CDH12: variants seen among roughly 807,000 people sequenced by gnomAD.
CDH12 encodes cadherin 12, also known as cadherin-12.
CDH12 carries 41 observed loss-of-function variants against 74.1 expected under a neutral mutation model. The observed-to-expected ratio is 0.55, with a 90% CI of 0.43 to 0.72. The LOEUF (loss-of-function observed/expected upper bound fraction) is 0.72. Ranked by LOEUF, CDH12 falls within the 30% of genes least tolerant of loss-of-function variation. The pLI is 0.00. For synonymous variants in CDH12, 399 were observed against 355.0 expected, an observed-to-expected ratio of 1.12 and a Z score of -1.39; for missense variants, 945 against 977.2, an observed-to-expected ratio of 0.97 and a Z score of 0.44.
chr5:22,415,665 A>C (rs955948850), intron 2 of CDH12, among the ~76,000 whole-genome samples: 6 of 152,204 alleles, frequency 3.9e-5, no homozygotes, highest in African/African-American at 1.4e-4. Flanking sequence ...GCCCCAGAAA[A>C]ATGAGTGAAC....
chr5:22,258,225 C>T (rs1753387176), intron 3 of CDH12, among the ~76,000 whole-genome samples: 1 of 152,046 alleles, frequency 6.6e-6, no homozygotes, highest in African/African-American at 2.4e-5. Flanking sequence ...AGAATGTATC[C>T]TTAGTACTGG....
At chr5:22,250,946 A>G (rs947894536) in intron 3 of CDH12, among the ~76,000 whole-genome samples, 1 of 152,246 alleles carries the variant, frequency 6.6e-6, no homozygotes, top group Non-Finnish European at 1.5e-5. Flanking sequence ...TAAATGTTCC[A>G]GAAAGGTAGA....
chr5:22,797,183 T>TA (rs58951425), intron 1 of CDH12, among the ~76,000 whole-genome samples: 24,214 of 86,208 alleles, frequency 0.28, 2,705 homozygotes, highest in East Asian at 0.36. Flanking sequence ...AGTGCCTTTA[T>TA]AAAAAAAAAA....
intron 1 of CDH12, among the ~76,000 whole-genome samples, chr5:22,653,988 C>CCCTTCCTT (rs1023647653): frequency 1.3e-5 from 2 of 150,702 alleles, no homozygotes; most frequent in Admixed American, 1.3e-4. Context: ...ATAAATATTT[C>CCCTTCCTT]CCTTCCTTCC....
chr5:22,360,176 A>G, intron 3 of CDH12, among the ~76,000 whole-genome samples: 1 of 152,184 alleles, frequency 6.6e-6, no homozygotes, highest in Non-Finnish European at 1.5e-5. Flanking sequence ...AAATTGATAG[A>G]CCACTAGCAA....
intron 3 of CDH12, among the ~76,000 whole-genome samples, chr5:22,362,484 G>C (rs1382800667): frequency 6.6e-6 from 1 of 152,118 alleles, no homozygotes; most frequent in Non-Finnish European, 1.5e-5. Context: ...CTGTTGGTGG[G>C]ACTGTAAACT....
In CDH12 at chr5:22,577,273, G is replaced by A. The variant is rs949245786; in HGVS notation, c.-522-71909C>T. On this transcript the variant is annotated intron_variant, in intron 1 of 14. Transcript: ENST00000382254. ...GTGGGAAGTTGCCTGCCCCAGATGCGTTCACTAAGTTAGCTACCACTGATT... is the reference window on the plus strand; with the variant it reads ...GTGGGAAGTTGCCTGCCCCAGATGCATTCACTAAGTTAGCTACCACTGATT... Among the ~76,000 whole-genome samples, 11 of 152,140 alleles carry A rather than the reference G, an allele frequency of 7.2e-5. 1 individual carries two copies. The highest frequency in any genetic ancestry group is 1.0e-4 in the Non-Finnish European group (7 of 68,038).
At chr5:22,546,994 A>T (rs1055609488) in intron 1 of CDH12, among the ~76,000 whole-genome samples, 2 of 152,212 alleles carry the variant, frequency 1.3e-5, no homozygotes, top group East Asian at 1.9e-4. Context: ...ATGCGATTGT[A>T]AAGTGCTTCA....
chr5:21,993,395 T>C (rs1370423294), intron 5 of CDH12, among the ~76,000 whole-genome samples: 1 of 152,096 alleles, frequency 6.6e-6, no homozygotes, highest in Non-Finnish European at 1.5e-5. Flanking sequence ...AATCTTCAAA[T>C]AAGATTATTT....
intron 11 of CDH12, among the ~76,000 whole-genome samples, chr5:21,769,392 T>C (rs555289601): frequency 8.4e-4 from 128 of 152,078 alleles, no homozygotes; most frequent in Non-Finnish European, 1.3e-3. Context: ...AGAGATATAA[T>C]AAAGGAATAC....
intron 1 of CDH12, among the ~76,000 whole-genome samples, chr5:22,591,067 G>C (rs199139): frequency 0.55 from 83,440 of 151,854 alleles, 23,205 homozygotes; most frequent in East Asian, 0.68. Context: ...TTCCTTTTCT[G>C]TCTAAGTGAC....
intron 1 of CDH12, among the ~76,000 whole-genome samples, chr5:22,680,923 ACT>A (rs1037203110): frequency 7.9e-5 from 12 of 152,080 alleles, no homozygotes; most frequent in Admixed American, 3.9e-4. Flanking sequence ...GTATTTTAAC[ACT>A]CTGATATTTA....
chr5:21,891,848 A>T (rs920692673), intron 6 of CDH12, among the ~76,000 whole-genome samples: 4 of 152,218 alleles, frequency 2.6e-5, no homozygotes, highest in Middle Eastern at 3.4e-3. Flanking sequence ...AGATCAAATC[A>T]AAACTTCAAA....
chr5:22,356,272 CTT>C (rs1740559659), intron 3 of CDH12, among the ~76,000 whole-genome samples: 1 of 152,084 alleles, frequency 6.6e-6, no homozygotes, highest in South Asian at 2.1e-4. Flanking sequence ...GTTTTAAAAA[CTT>C]TATTTATATG....
intron 1 of CDH12, among the ~76,000 whole-genome samples, chr5:22,850,195 A>G (rs1405178138): frequency 6.6e-6 from 1 of 152,100 alleles, no homozygotes; most frequent in Non-Finnish European, 1.5e-5. Flanking sequence ...TCTTATGATG[A>G]GATGCTTAAA....
chr5:21,943,799 G>C (rs1385956339), intron 6 of CDH12, among the ~76,000 whole-genome samples: 1 of 152,118 alleles, frequency 6.6e-6, no homozygotes, highest in Non-Finnish European at 1.5e-5. Context: ...TACAAAATTT[G>C]CAGTGTTCAG....
rs111648451 is a variant in CDH12, at chr5:21,817,549, T to C, written c.815-417A>G. ...AGATGATAGATAGATGATAGATAGA[T>C]AGATAGGTGATAGATATATAGATAT... On this transcript the variant is annotated intron_variant, in intron 8 of 14. Coordinates refer to ENST00000382254, the MANE Select transcript of CDH12 (RefSeq NM_004061.5). 5.3e-3 allele frequency among the ~76,000 whole-genome samples: 800 copies of C among 152,056 alleles called. 4 individuals carry two copies. Among genetic ancestry groups the C allele is most frequent in the African/African-American group, 0.018 (745 of 41,528 alleles).
chr5:22,041,032 G>C (rs541128355), intron 5 of CDH12, among the ~76,000 whole-genome samples: 1 of 151,754 alleles, frequency 6.6e-6, no homozygotes, highest in Non-Finnish European at 1.5e-5. Context: ...AATATAAATC[G>C]TGACATCAAA....
At chr5:22,131,302 T>C (rs1483606104) in intron 4 of CDH12, among the ~76,000 whole-genome samples, 1 of 152,068 alleles carries the variant, frequency 6.6e-6, no homozygotes, top group Admixed American at 6.6e-5. Context: ...TTCAATGATT[T>C]AGACACAACT....
Sources: gnomAD v4.1 joint callset for allele counts (sites outside exome capture counted in the v4.1 genomes callset) on GRCh38, gnomAD v4.1.1 for gene constraint, MANE v1.5 for transcripts, NCBI Gene and HGNC (gene_info 2026-07-23, HGNC 2026-07-21) for gene names.